RPS6KC1: variants seen among roughly 807,000 people sequenced by gnomAD.
The protein encoded by RPS6KC1 is inactive ribosomal protein S6 kinase delta-1.
In RPS6KC1, 54 loss-of-function variants were observed where a neutral mutation model predicts 103.8. That is an observed-to-expected ratio of 0.52 (90% confidence interval 0.42 to 0.65). RPS6KC1 has a LOEUF of 0.65. Among genes scored for constraint, RPS6KC1 ranks in the 30% least tolerant of loss-of-function variants. The pLI, the probability that RPS6KC1 is intolerant of heterozygous loss-of-function variation, is 0.00. For synonymous variants in RPS6KC1, 439 were observed against 438.7 expected (o/e 1.00, Z -0.01); for missense variants, 1,151 against 1,253.8 (o/e 0.92, Z 1.24).
At chr1:213,583,769 C>T in the RPS6KC1 span, among the ~76,000 whole-genome samples, 4 of 134,512 alleles carry the variant, frequency 3.0e-5, no homozygotes, top group Admixed American at 1.7e-4. Context: ...TACAGTGAGC[C>T]GAGGTTGCAC....
the RPS6KC1 span, among the ~76,000 whole-genome samples, chr1:213,455,421 G>A: frequency 6.6e-6 from 1 of 152,204 alleles, no homozygotes; most frequent in African/African-American, 2.4e-5. Flanking sequence ...GGTGGATGCT[G>A]ATGCTAGACC....
the RPS6KC1 span, among the ~76,000 whole-genome samples, chr1:213,475,858 C>A: frequency 6.6e-6 from 1 of 152,202 alleles, no homozygotes; most frequent in Non-Finnish European, 1.5e-5. Context: ...CTAGTTTACC[C>A]TCTTCAGACA....
the RPS6KC1 span, among the ~76,000 whole-genome samples, chr1:213,400,042 C>G: frequency 6.6e-6 from 1 of 152,166 alleles, no homozygotes; most frequent in South Asian, 2.1e-4. Flanking sequence ...GATCAGCAGG[C>G]TCAGCTGAGA....
the RPS6KC1 span, among the ~76,000 whole-genome samples, chr1:213,658,628 A>G: frequency 1.3e-5 from 2 of 152,244 alleles, no homozygotes; most frequent in African/African-American, 2.4e-5. Context: ...ACAGGCGGAT[A>G]AAATGTTAAT....
At chr1:213,242,398 G>A (rs973429763) in intron 11 of RPS6KC1, 101 bp downstream of exon 11, 1 of 1,389,100 alleles carries the variant, frequency 7.2e-7, no homozygotes, top group African/African-American at 1.4e-5. Context: ...TTCCTGTCTA[G>A]AGCTTCATTA....
the RPS6KC1 span, among the ~76,000 whole-genome samples, chr1:213,857,928 C>T: frequency 6.6e-6 from 1 of 152,156 alleles, no homozygotes; most frequent in African/African-American, 2.4e-5. Flanking sequence ...GCTTCTCATG[C>T]CAAATAGGAG....
the RPS6KC1 span, among the ~76,000 whole-genome samples, chr1:213,500,831 A>G: frequency 1.3e-5 from 2 of 152,208 alleles, no homozygotes; most frequent in African/African-American, 4.8e-5. Context: ...AGAATGAATT[A>G]TGGGCTTTAG....
the RPS6KC1 span, among the ~76,000 whole-genome samples, chr1:213,626,011 T>C: frequency 1.3e-5 from 2 of 152,204 alleles, no homozygotes; most frequent in Non-Finnish European, 2.9e-5. Flanking sequence ...CCACACTGAC[T>C]TCCACAATGG....
At chr1:213,611,787 A>T in the RPS6KC1 span, among the ~76,000 whole-genome samples, 2 of 152,226 alleles carry the variant, frequency 1.3e-5, no homozygotes, top group Non-Finnish European at 2.9e-5. Context: ...AAAGCCAAGA[A>T]TTTATACTTG....
intron 1 of RPS6KC1, among the ~76,000 whole-genome samples, chr1:213,052,923 A>T (rs111234541): frequency 0.01 from 1,590 of 152,314 alleles, 31 homozygotes; most frequent in African/African-American, 0.036. Flanking sequence ...CACAATTCAG[A>T]TAAATGTGAG....
At chr1:213,378,069 T>C in the RPS6KC1 span, among the ~76,000 whole-genome samples, 1 of 152,202 alleles carries the variant, frequency 6.6e-6, no homozygotes, top group Non-Finnish European at 1.5e-5. Context: ...CTGAGGGCCC[T>C]CCACCCAGCA....
At chr1:213,799,141 C>T in the RPS6KC1 span, among the ~76,000 whole-genome samples, 1 of 152,144 alleles carries the variant, frequency 6.6e-6, no homozygotes, top group Non-Finnish European at 1.5e-5. Flanking sequence ...TTCTGTCCGC[C>T]CTCCTGTCAT....
the RPS6KC1 span, among the ~76,000 whole-genome samples, chr1:213,605,077 T>A: frequency 3.3e-5 from 5 of 152,190 alleles, no homozygotes; most frequent in Admixed American, 6.5e-5. Context: ...TTTGCTTTGA[T>A]CAGAAGTTCT....
At chr1:213,779,097 G>A in the RPS6KC1 span, among the ~76,000 whole-genome samples, 1 of 152,000 alleles carries the variant, frequency 6.6e-6, no homozygotes, top group African/African-American at 2.4e-5. Flanking sequence ...GAAAAATATG[G>A]GAAAGAAAAA....
chr1:213,093,926 GT>G (rs2081217619), intron 3 of RPS6KC1, among the ~76,000 whole-genome samples: 1 of 151,850 alleles, frequency 6.6e-6, no homozygotes, highest in African/African-American at 2.4e-5. Flanking sequence ...GAAGTTTCTG[GT>G]TAGCCTTTCA....
At chr1:213,369,665 T>C in the RPS6KC1 span, among the ~76,000 whole-genome samples, 1 of 152,246 alleles carries the variant, frequency 6.6e-6, no homozygotes, top group Non-Finnish European at 1.5e-5. Context: ...ATTATTTGTT[T>C]GGCTGTCTCC....
At chr1:213,403,691 A>C in the RPS6KC1 span, among the ~76,000 whole-genome samples, 1 of 152,166 alleles carries the variant, frequency 6.6e-6, no homozygotes. Context: ...TATGTGAGCT[A>C]GTTGGTTCCA....
At chr1:213,401,119 G>C in the RPS6KC1 span, among the ~76,000 whole-genome samples, 1 of 152,178 alleles carries the variant, frequency 6.6e-6, no homozygotes, top group South Asian at 2.1e-4. Context: ...TTGGAACCAT[G>C]AGAGTTTTTC....
chr1:213,334,692 C>T, the RPS6KC1 span, among the ~76,000 whole-genome samples: 4 of 152,208 alleles, frequency 2.6e-5, no homozygotes, highest in South Asian at 2.1e-4. Flanking sequence ...GAGGGAGGGA[C>T]TCTGAAACTT....
Sources: gnomAD v4.1 joint callset for allele counts (sites outside exome capture counted in the v4.1 genomes callset) on GRCh38, gnomAD v4.1.1 for gene constraint, MANE v1.5 for transcripts, NCBI Gene and HGNC (gene_info 2026-07-23, HGNC 2026-07-21) for gene names.